The following CUL2 variants were observed in gnomAD, a reference collection of about 807,000 sequenced individuals.
CUL2 encodes the protein cullin-2.
CUL2 carries 22 observed loss-of-function variants against 110.2 expected under a neutral mutation model. The observed-to-expected ratio is 0.20, with a 90% CI of 0.14 to 0.28. CUL2 has a LOEUF of 0.28. CUL2 is among the 10% of genes least tolerant of loss of function. The pLI is 1.00. For missense variants in CUL2, 631 were observed against 905.5 expected (o/e 0.70, Z 3.89); for synonymous variants, 279 against 293.2 (o/e 0.95, Z 0.49).
At chr10:35,088,233 G>A (rs1164131825) in intron 1 of CUL2, among the ~76,000 whole-genome samples, 1 of 152,170 alleles carries the variant, frequency 6.6e-6, no homozygotes, top group Non-Finnish European at 1.5e-5. Context: ...GGGTTGGACA[G>A]GTGTGGTGGC....
At chr10:35,043,250 T>C (rs139115339) in intron 8 of CUL2, among the ~76,000 whole-genome samples, 9 of 152,222 alleles carry the variant, frequency 5.9e-5, no homozygotes, top group African/African-American at 1.9e-4. Flanking sequence ...GCAAAGTGCA[T>C]GTATCACAGA....
chr10:35,022,207 C>T (rs1227493379), intron 17 of CUL2, among the ~76,000 whole-genome samples: 1 of 152,004 alleles, frequency 6.6e-6, no homozygotes, highest in Non-Finnish European at 1.5e-5. Context: ...ATGAATTTTA[C>T]AACAATAAAG....
chr10:35,033,423 G>A (rs936351026), intron 10 of CUL2, 150 bp from the exon 11 acceptor site: 13 of 600,474 alleles, frequency 2.2e-5, no homozygotes, highest in African/African-American at 3.7e-5. Context: ...TAGCTAAGAC[G>A]GTCTTAGAAA....
intron 2 of CUL2, among the ~76,000 whole-genome samples, chr10:35,066,485 A>G (rs2134959518): frequency 6.6e-6 from 1 of 152,226 alleles, no homozygotes; most frequent in Non-Finnish European, 1.5e-5. Context: ...TTTTTAGTAA[A>G]GATGGGGTTT....
At chr10:35,105,707 CA>C (rs200442371) in intron 1 of CUL2, among the ~76,000 whole-genome samples, 23,867 of 106,200 alleles carry the variant, frequency 0.22, 1,885 homozygotes, top group East Asian at 0.3. Flanking sequence ...GACTCTGTCT[CA>C]AAAAAAAAAA....
At chr10:35,034,403 C>T (rs562782981) in intron 10 of CUL2, among the ~76,000 whole-genome samples, 2 of 152,254 alleles carry the variant, frequency 1.3e-5, no homozygotes, top group South Asian at 4.1e-4. Context: ...TGTGGCATAA[C>T]ATAAAAACTA....
At chr10:35,049,418 C>T (rs1209013155) in intron 6 of CUL2, among the ~76,000 whole-genome samples, 10 of 151,850 alleles carry the variant, frequency 6.6e-5, no homozygotes, top group Non-Finnish European at 2.9e-5. Context: ...TAAGTCACTT[C>T]CCTCAGATAC....
chr10:35,046,045 A>G (rs2085930135), intron 6 of CUL2, among the ~76,000 whole-genome samples: 1 of 152,238 alleles, frequency 6.6e-6, no homozygotes. Flanking sequence ...TACATACTAG[A>G]GTCCTTCCCT....
intron 4 of CUL2, among the ~76,000 whole-genome samples, chr10:35,055,263 G>A (rs1035647558): frequency 6.6e-6 from 1 of 152,172 alleles, no homozygotes; most frequent in African/African-American, 2.4e-5. Flanking sequence ...GGTTCTGCTA[G>A]TGTAAATAGC....
At chr10:35,098,807 G>A (rs752309764) in intron 2 of CUL2, among the ~76,000 whole-genome samples, 2 of 152,066 alleles carry the variant, frequency 1.3e-5, no homozygotes, top group Admixed American at 1.3e-4. Flanking sequence ...GGTGGCAGGC[G>A]CCTGTAATCC....
chr10:35,032,622 T>C (rs564428602), intron 11 of CUL2, 128 bp from the exon 12 acceptor site: 1 of 616,868 alleles, frequency 1.6e-6, no homozygotes, highest in African/African-American at 1.9e-5. Flanking sequence ...GCCGGTAGTT[T>C]GTTAATATTT....
intron 17 of CUL2, among the ~76,000 whole-genome samples, chr10:35,018,162 C>T (rs1395744903): frequency 1.3e-5 from 2 of 150,898 alleles, no homozygotes; most frequent in Non-Finnish European, 3.0e-5. Flanking sequence ...TGGCGGACAC[C>T]TGTAATCCCA....
At position 35,059,457 on chromosome 10, in the gene CUL2, C is replaced by CT. The variant is rs2086328006; in HGVS notation, c.317+1416_317+1417insA. ...TGCTGAAGGCTCAAATGATCAACAG[C>CT]ATTTTTTTTAGCAATAAAGTAATTT... On this transcript the variant is annotated intron_variant, in intron 4 of 20. Coordinates refer to ENST00000374749, the MANE Select transcript of CUL2 (RefSeq NM_003591.4). Among the ~76,000 whole-genome samples, 6 of 130,052 alleles carry CT rather than the reference C, an allele frequency of 4.6e-5. No individual in the cohort carries two copies. In the South Asian group the frequency reaches 1.2e-3, roughly 27 times the overall value. The allele number at this position is 130,052 out of a possible 152,430, so 85.3% of individuals were successfully genotyped here.
intron 1 of CUL2, among the ~76,000 whole-genome samples, chr10:35,116,241 G>A (rs2087598337): frequency 6.6e-6 from 1 of 151,940 alleles, no homozygotes; most frequent in African/African-American, 2.4e-5. Flanking sequence ...TACTCCGGAG[G>A]CTGAGGCACA....
chr10:35,027,233 C>G (rs1002081693), intron 16 of CUL2, among the ~76,000 whole-genome samples: 3 of 151,460 alleles, frequency 2.0e-5, no homozygotes, highest in Admixed American at 6.6e-5. Context: ...CAACCTCCAC[C>G]TCCTGGGTTC....
chr10:35,063,277 G>A (rs1336839076), intron 2 of CUL2, among the ~76,000 whole-genome samples: 1 of 152,088 alleles, frequency 6.6e-6, no homozygotes, highest in Non-Finnish European at 1.5e-5. Flanking sequence ...AGTATTTATT[G>A]AGAATTATTT....
intron 1 of CUL2, among the ~76,000 whole-genome samples, chr10:35,108,497 G>A (rs1382785696): frequency 6.6e-6 from 1 of 151,768 alleles, no homozygotes; most frequent in Non-Finnish European, 1.5e-5. Context: ...ACAGTTATTT[G>A]GACTAGAATA....
chr10:35,070,928 T>C lies in CUL2; in HGVS notation c.119+271A>G, dbSNP rs2086661195. On this transcript the variant is annotated intron_variant, in intron 2 of 20. Coordinates refer to ENST00000374749, the MANE Select transcript of CUL2 (RefSeq NM_003591.4). ...TGTTTAGTGTCTATTTCTATTTTTA[T>C]AATAGAAAGGAATTTTTTTTTGTTC... Among the ~76,000 whole-genome samples the C allele has an allele frequency of 2.0e-5, 3 of 152,148 alleles. No individual in the cohort carries two copies. The South Asian group carries it at 6.2e-4, about 32-fold the overall frequency.
At chr10:35,079,230 T>C (rs2086890613) in intron 1 of CUL2, among the ~76,000 whole-genome samples, 1 of 152,252 alleles carries the variant, frequency 6.6e-6, no homozygotes, top group Non-Finnish European at 1.5e-5. Flanking sequence ...TCTCTCAGAA[T>C]ATCTCACTGT....
Sources: gnomAD v4.1 joint callset for allele counts (sites outside exome capture counted in the v4.1 genomes callset) on GRCh38, gnomAD v4.1.1 for gene constraint, MANE v1.5 for transcripts, NCBI Gene and HGNC (gene_info 2026-07-23, HGNC 2026-07-21) for gene names.